The following SDK1 variants were observed in gnomAD, a reference collection of about 807,000 sequenced individuals.
SDK1 encodes protein sidekick-1.
A neutral mutation model predicts 245.5 loss-of-function variants in SDK1; 157 were observed. That is an observed-to-expected ratio of 0.64 (90% CI 0.56 to 0.73). The LOEUF is 0.73. Ranked by LOEUF, SDK1 falls within the 30% of genes least tolerant of loss-of-function variation. The pLI, the probability that SDK1 is intolerant of heterozygous loss-of-function variation, is 0.00. For missense variants in SDK1, 3,583 were observed against 3,002.3 expected (o/e 1.19, Z -4.52); for synonymous variants, 1,647 against 1,278.5 (o/e 1.29, Z -6.15).
chr7:3,415,686 T>C (rs1415628357), intron 1 of SDK1, among the ~76,000 whole-genome samples: 2 of 150,444 alleles, frequency 1.3e-5, no homozygotes, highest in Admixed American at 1.3e-4. Context: ...ATGCCAGTTT[T>C]CCTTACCATA....
At chr7:3,741,987 C>CATATATATATATATATATAT (rs142076799) in intron 4 of SDK1, among the ~76,000 whole-genome samples, 36 of 132,116 alleles carry the variant, frequency 2.7e-4, no homozygotes, top group African/African-American at 8.4e-4. Context: ...TTGTAGTGTG[C>CATATATATATATATATATAT]ATATATATAT....
intron 5 of SDK1, among the ~76,000 whole-genome samples, chr7:3,947,798 G>A (rs996278883): frequency 6.6e-6 from 1 of 151,914 alleles, no homozygotes; most frequent in Admixed American, 6.6e-5. Flanking sequence ...ATCTGTTGTA[G>A]CAGAAAGTCA....
chr7:4,264,192 AGACCTCTCCTGAGTGGGGGAGGCCG>A lies in SDK1; in HGVS notation c.6382-931_6382-907del, dbSNP rs1562494329. 7.5e-4 allele frequency among the ~76,000 whole-genome samples: 49 copies of A among 65,708 alleles called. 3 individuals are homozygous for A. Among genetic ancestry groups the A allele is most frequent in the Non-Finnish European group, 9.3e-4 (32 of 34,240 alleles). 43.1% of individuals were successfully genotyped at this position (65,708 alleles called of 152,430 possible). A position where few individuals can be genotyped will look rare whatever the true frequency, so the allele number is the denominator to read the frequency against. The stretch of plus-strand genomic sequence containing the variant: ...CTCTCCTGAGTGGGGGAGGCCGCGT[AGACCTCTCCTGAGTGGGGGAGGCCG>A]CGTAGACCTCTCCTGAGTGGGGAGG... On this transcript the variant is annotated intron_variant, in intron 44 of 44. Transcript: ENST00000404826.
chr7:3,552,031 C>A (rs954087201), intron 1 of SDK1, among the ~76,000 whole-genome samples: 1 of 149,938 alleles, frequency 6.7e-6, no homozygotes, highest in Non-Finnish European at 1.5e-5. Context: ...AGATTTTACT[C>A]TTCTTCTTCT....
At chr7:3,323,013 G>T (rs1031799410) in intron 1 of SDK1, among the ~76,000 whole-genome samples, 3 of 151,976 alleles carry the variant, frequency 2.0e-5, no homozygotes, top group Non-Finnish European at 4.4e-5. Context: ...TGTTGCCGAG[G>T]CTCGTCTCAA....
In SDK1 at chr7:3,820,267, G is replaced by A. The variant is rs546024255; in HGVS notation, c.714-1183G>A. 3.9e-5 allele frequency among the ~76,000 whole-genome samples: 6 copies of A among 152,042 alleles called. No homozygotes were observed. In the South Asian group the frequency reaches 1.2e-3, roughly 32 times the overall value. On this transcript the variant is annotated intron_variant, in intron 4 of 44. Coordinates refer to ENST00000404826, the MANE Select transcript of SDK1 (RefSeq NM_152744.4). Reference sequence around the variant, plus strand: ...CAGGTTCAAGCGATTGTTCTGCCTCGGCCTCTGTAGTAGCTGGGACTACAG... The same window carrying A: ...CAGGTTCAAGCGATTGTTCTGCCTCAGCCTCTGTAGTAGCTGGGACTACAG...
At chr7:4,094,674 G>T (rs535496926) in intron 22 of SDK1, among the ~76,000 whole-genome samples, 2 of 152,340 alleles carry the variant, frequency 1.3e-5, no homozygotes, top group Admixed American at 1.3e-4. Context: ...AACCGGACTT[G>T]TGGACCTCCC....
At chr7:4,183,154 T>TA (rs1782691316) in intron 35 of SDK1, among the ~76,000 whole-genome samples, 1 of 152,314 alleles carries the variant, frequency 6.6e-6, no homozygotes, top group Admixed American at 6.5e-5. Flanking sequence ...CAGGACCCCC[T>TA]AAGCCGTGAG....
chr7:3,801,516 GCT>G (rs1490967648), intron 4 of SDK1, among the ~76,000 whole-genome samples: 1 of 152,058 alleles, frequency 6.6e-6, no homozygotes, highest in East Asian at 1.9e-4. Context: ...TTGTCATTGT[GCT>G]CTCTCTCTAT....
At chr7:3,820,322 G>A (rs1779613273) in intron 4 of SDK1, among the ~76,000 whole-genome samples, 2 of 152,080 alleles carry the variant, frequency 1.3e-5, no homozygotes. Context: ...ACTAATTTTT[G>A]TATTTTCAGT....
intron 1 of SDK1, among the ~76,000 whole-genome samples, chr7:3,414,936 C>A (rs1182210058): frequency 6.6e-6 from 1 of 152,100 alleles, no homozygotes; most frequent in Non-Finnish European, 1.5e-5. Context: ...AAAAATATTT[C>A]CGTGCACGGA....
intron 13 of SDK1, among the ~76,000 whole-genome samples, chr7:3,985,347 C>G (rs1250012889): frequency 6.6e-6 from 1 of 152,170 alleles, no homozygotes; most frequent in African/African-American, 2.4e-5. Flanking sequence ...TCAGGTGGGA[C>G]TTTTTCAACA....
chr7:3,351,894 G>A (rs1780669860), intron 1 of SDK1, among the ~76,000 whole-genome samples: 1 of 151,696 alleles, frequency 6.6e-6, no homozygotes, highest in African/African-American at 2.4e-5. Flanking sequence ...TGACCTCATG[G>A]ACATTCATAG....
rs185049330 is a variant in SDK1 at position 3,781,973 on chromosome 7, G to A, written c.714-39477G>A. On this transcript the variant is annotated intron_variant, in intron 4 of 44. Coordinates refer to ENST00000404826, the MANE Select transcript of SDK1 (RefSeq NM_152744.4). ...TAATGTGAATTAAGGACAGCAGAGA[G>A]AAAAAAGCACCAGAAACTATATTTA... is the stretch of plus-strand genomic sequence containing the variant. Among the ~76,000 whole-genome samples, 528 of 152,258 alleles carry A rather than the reference G, an allele frequency of 3.5e-3. 11 individuals carry two copies. The highest frequency in any genetic ancestry group is 0.032 in the Admixed American group (490 of 15,296).
intron 4 of SDK1, among the ~76,000 whole-genome samples, chr7:3,730,588 G>A (rs983619574): frequency 6.6e-6 from 1 of 152,180 alleles, no homozygotes; most frequent in African/African-American, 2.4e-5. Context: ...CAGCAGGACT[G>A]AGAGGATGAG....
chr7:3,809,355 A>G (rs1015730715), intron 4 of SDK1, among the ~76,000 whole-genome samples: 4 of 151,970 alleles, frequency 2.6e-5, no homozygotes, highest in Non-Finnish European at 4.4e-5. Context: ...ACCAGGCCCC[A>G]CCTCCCATAC....
chr7:3,477,743 G>T (rs1294623947), intron 1 of SDK1, among the ~76,000 whole-genome samples: 1 of 151,938 alleles, frequency 6.6e-6, no homozygotes, highest in Non-Finnish European at 1.5e-5. Flanking sequence ...CGAACCTCTA[G>T]CTTAAAGTGA....
Position 4,194,601 on chromosome 7 carries a change from T to C in SDK1, c.5099-11278T>C, listed in dbSNP as rs180782450. On this transcript the variant is annotated intron_variant, in intron 35 of 44. Coordinates refer to ENST00000404826, the MANE Select transcript of SDK1 (RefSeq NM_152744.4). ...AGTCCGAGCCTCAAAACTGAACAAC[T>C]TGGAGTCTGATATTCAAAGGCAGGA... 1.5e-3 allele frequency among the ~76,000 whole-genome samples: 223 copies of C among 152,020 alleles called. 2 individuals are homozygous for C. The highest frequency in any genetic ancestry group is 4.9e-3 in the African/African-American group (204 of 41,450).
chr7:4,012,310 C>T (rs533328832), intron 16 of SDK1, 75 bp downstream of exon 16: 1 of 1,395,320 alleles, frequency 7.2e-7, no homozygotes, highest in Admixed American at 2.8e-5. Flanking sequence ...GTTGCAAACT[C>T]TAATGTCTGT....
Sources: allele counts gnomAD v4.1 joint callset (sites outside exome capture counted in the v4.1 genomes callset), GRCh38; gene constraint gnomAD v4.1.1; transcripts MANE v1.5; gene names NCBI Gene and HGNC (gene_info 2026-07-23, HGNC 2026-07-21).